PTCH2: variants seen among roughly 807,000 people sequenced by gnomAD.
PTCH2 encodes patched 2.
In PTCH2, 96 loss-of-function variants were observed where a neutral mutation model predicts 117.9. The observed-to-expected ratio is 0.81, with a 90% confidence interval of 0.69 to 0.96. The LOEUF (loss-of-function observed/expected upper bound fraction) is 0.96. Ranked by LOEUF, PTCH2 falls within the 50% of genes least tolerant of loss-of-function variation. The pLI is 0.00. For missense variants in PTCH2, 1,379 were observed against 1,562.5 expected, an observed-to-expected ratio of 0.88 and a Z score of 1.98; for synonymous variants, 615 against 660.9, an observed-to-expected ratio of 0.93 and a Z score of 1.06.
In PTCH2 at chr1:44,828,632, C is replaced by T; in HGVS notation, c.1465-1G>A. ...GCTGCAGACACTCGCCCATGCGCTC[C>T]TGCCAGGACAGAGTGGGGACCTGCC... On this transcript the variant is annotated splice_acceptor_variant, in intron 11 of 21. Coordinates refer to ENST00000372192, the MANE Select transcript of PTCH2 (RefSeq NM_003738.5). LOFTEE classifies it high-confidence loss of function. 1.2e-6 allele frequency: 2 copies of T among 1,611,856 alleles called. No individual in the cohort carries two copies.
intron 6 of PTCH2, among the ~76,000 whole-genome samples, chr1:44,830,346 C>T (rs1340075343): frequency 6.6e-6 from 1 of 152,100 alleles, no homozygotes; most frequent in Non-Finnish European, 1.5e-5. Flanking sequence ...TGCTTACCTG[C>T]TGTGTTCTTA....
downstream of PTCH2, chr1:44,820,096 T>C: frequency 3.2e-6 from 1 of 312,986 alleles, no homozygotes; most frequent in Non-Finnish European, 6.3e-6. Context: ...ATATGTAGTT[T>C]ATGCACACAG....
rs1204229619 is a variant in PTCH2, at chr1:44,830,849, T to G, written c.812A>C (p.Gln271Pro). ...CTGGCAGACCTGGTTGGAACCCACC[T>G]GCCTGCTGTGATGGTTGGGGGCACT... ...PPSAPNHHSR[Q>P]APNVAHELSG... is the part of the protein sequence containing the mutation. Residue 271 changes from glutamine (Q) to proline (P), a missense_variant and splice_region_variant, in exon 6 of 22, where the codon CAG becomes CCG. Physicochemically the swap from Gln to Pro is moderately conservative, Grantham distance 76. Coordinates refer to ENST00000372192, the MANE Select transcript of PTCH2 (RefSeq NM_003738.5). 6.4e-7 allele frequency: 1 copy of G among 1,550,914 alleles called. No individual in the cohort carries two copies. Among genetic ancestry groups the G allele is most frequent in the East Asian group, 2.3e-5 (1 of 43,700 alleles).
intron 2 of PTCH2, among the ~76,000 whole-genome samples, chr1:44,839,376 A>AAAAAAG (rs1553166243): frequency 1.4e-4 from 19 of 138,266 alleles, no homozygotes; most frequent in Non-Finnish European, 2.9e-4. Context: ...AAAAAAAAAA[A>AAAAAAG]AAAAAAACAG....
chr1:44,832,128 G>T, intron 3 of PTCH2, 24 bp downstream of exon 3: 2 of 1,613,942 alleles, frequency 1.2e-6, no homozygotes, highest in Non-Finnish European at 1.7e-6. Context: ...GCCCCCAGCT[G>T]CTCAGGGGCT....
At chr1:44,821,726 A>G (rs1652921003), downstream of PTCH2, 1 of 1,222,720 alleles carries the variant, frequency 8.2e-7, no homozygotes, top group African/African-American at 1.6e-5. Flanking sequence ...ATTTCACACC[A>G]ACAAAATTTG....
chr1:44,829,698 C>G lies in PTCH2; in HGVS notation c.999G>C (p.Arg333=). ...CAATGTCATGTGTCTGATAGTCACC[C>G]CGGAAATGCTCGTACAGCTGGCGGG... is the stretch of plus-strand genomic sequence containing the variant. ...MSPRQLYEHF[R]GDYQTHDIGW... Residue 333 remains arginine, a synonymous_variant, in exon 8 of 22, where the codon CGG becomes CGC. Transcript: ENST00000372192. 2.5e-6 allele frequency: 4 copies of G among 1,614,200 alleles called. No homozygotes were observed. Among genetic ancestry groups the G allele is most frequent in the Non-Finnish European group, 3.4e-6 (4 of 1,180,036 alleles).
At chr1:44,830,606 A>AAAAAAAAAAAAAAAAAAAAAAC in intron 6 of PTCH2, among the ~76,000 whole-genome samples, 2 of 149,650 alleles carry the variant, frequency 1.3e-5, no homozygotes, top group East Asian at 2.0e-4. Context: ...AAAAAAAAAG[A>AAAAAAAAAAAAAAAAAAAAAAC]AGTCCAGCCT....
chr1:44,838,093 A>G (rs929324511), intron 2 of PTCH2, among the ~76,000 whole-genome samples: 2 of 151,822 alleles, frequency 1.3e-5, no homozygotes, highest in Non-Finnish European at 2.9e-5. Flanking sequence ...AAAAAAAAAA[A>G]AAAGAAAGGA....
In PTCH2 at chr1:44,822,341, G is replaced by A. The variant is rs534615689; in HGVS notation, c.*74C>T. The stretch of plus-strand genomic sequence containing the variant: ...AGGGCCCTCCAGGGGTCCATCCTGC[G>A]TCTAACACCAGACCCAGTGCTTCCC... On this transcript the variant is annotated 3_prime_UTR_variant, in exon 22 of 22. Coordinates refer to ENST00000372192, the MANE Select transcript of PTCH2 (RefSeq NM_003738.5). 92 of 1,607,552 alleles carry A rather than the reference G, an allele frequency of 5.7e-5. No homozygotes were observed. The highest frequency in any genetic ancestry group is 6.8e-5 in the Non-Finnish European group (80 of 1,179,886).
rs1653462031 is a variant in PTCH2 at position 44,831,854 on chromosome 1, C to T, written c.526-57G>A. ...TGCCCCACAACCTTTGTAGGATGCC[C>T]TCTGCAATCCCCCTCCTTAGTTTTA... On this transcript the variant is annotated intron_variant, in intron 4 of 21. Coordinates refer to ENST00000372192, the MANE Select transcript of PTCH2 (RefSeq NM_003738.5). This position sits in a 1 kb window ranked among gnomAD's most constrained non-coding sequence, Gnocchi z 4.3. The T allele has an allele frequency of 1.3e-6, 2 of 1,588,696 alleles. No homozygotes were observed. The highest frequency in any genetic ancestry group is 1.7e-6 in the Non-Finnish European group (2 of 1,157,016).
In PTCH2 at chr1:44,828,527, C is replaced by T. The variant is rs143390610; in HGVS notation, c.1569G>A (p.Ala523=). ...FLMAALVPIP[A]LRAFSLQAAI... ...TCACCTGTAGGGAGAAGGCTCGCAG[C>T]GCAGGGATGGGAACGAGGGCAGCCA... The change falls in exon 12 of 22, where the codon GCG becomes GCA. Residue 523 remains alanine (A), a synonymous_variant. Transcript: ENST00000372192. The T allele has an allele frequency of 1.7e-4, 275 of 1,614,086 alleles. 1 individual carries two copies. In the African/African-American group the frequency reaches 3.2e-3, roughly 19 times the overall value.
chr1:44,837,999 G>A (rs867899266), intron 2 of PTCH2, among the ~76,000 whole-genome samples: 13 of 151,326 alleles, frequency 8.6e-5, no homozygotes, highest in African/African-American at 2.4e-4. Flanking sequence ...GGAGAATGGC[G>A]TGAACCCGGG....
At chr1:44,821,060 G>A (rs1652890157), downstream of PTCH2, among the ~76,000 whole-genome samples, 1 of 152,104 alleles carries the variant, frequency 6.6e-6, no homozygotes, top group Non-Finnish European at 1.5e-5. Flanking sequence ...CTTTGTCCAG[G>A]TGGGGTGGGA....
intron 6 of PTCH2, among the ~76,000 whole-genome samples, chr1:44,830,558 C>T (rs1273530458): frequency 1.6e-5 from 2 of 122,814 alleles, no homozygotes; most frequent in African/African-American, 7.5e-5. Context: ...CGAACTACTG[C>T]ACTCCAGCCT....
In PTCH2 at chr1:44,830,029, G is replaced by A; in HGVS notation, c.815C>T (p.Ala272Val). ...PSAPNHHSRQ[A>V]PNVAHELSGG... The stretch of plus-strand genomic sequence containing the variant: ...ACTCAGCTCGTGAGCCACATTGGGA[G>A]CCTGGAGGGGAACAGGAGGGGTTAA... The change falls in exon 7 of 22, where the codon GCT (alanine) becomes GTT (valine). Residue 272 changes from alanine to valine, a missense_variant and splice_region_variant. Transcript: ENST00000372192. 2.7e-5 allele frequency: 44 copies of A among 1,614,064 alleles called. No individual in the cohort carries two copies. Among genetic ancestry groups the A allele is most frequent in the Non-Finnish European group, 3.7e-5 (44 of 1,179,978 alleles).
chr1:44,840,014 C>T (rs1013899777), intron 2 of PTCH2, among the ~76,000 whole-genome samples: 6 of 151,958 alleles, frequency 3.9e-5, no homozygotes, highest in Non-Finnish European at 7.4e-5. Context: ...ATGCAAATTT[C>T]CCAGGGAAAA....
chr1:44,840,723 C>A (rs997329894), intron 2 of PTCH2, among the ~76,000 whole-genome samples: 4 of 150,370 alleles, frequency 2.7e-5, no homozygotes, highest in Non-Finnish European at 4.4e-5. Flanking sequence ...AAAAAAAAAA[C>A]AAAAAACCAA....
intron 2 of PTCH2, among the ~76,000 whole-genome samples, chr1:44,836,686 G>A (rs929398781): frequency 6.6e-6 from 1 of 151,238 alleles, no homozygotes; most frequent in African/African-American, 2.4e-5. Context: ...GCCTGGGCTA[G>A]AGAGCAAGAC....
Sources: allele counts gnomAD v4.1 joint callset (sites outside exome capture counted in the v4.1 genomes callset), GRCh38; gene constraint gnomAD v4.1.1; non-coding constraint Gnocchi (gnomAD v3.1); transcripts MANE v1.5; gene names NCBI Gene and HGNC (gene_info 2026-07-23, HGNC 2026-07-21).